The following RUSC2 variants were observed in gnomAD, a reference collection of about 807,000 sequenced individuals.
The protein encoded by RUSC2 is RUN and SH3 domain containing 2.
A neutral mutation model predicts 122.2 loss-of-function variants in RUSC2; 34 were observed. That is an observed-to-expected ratio of 0.28 (90% confidence interval 0.21 to 0.37). RUSC2 has a LOEUF of 0.37. Among genes scored for constraint, RUSC2 ranks in the 10% least tolerant of loss-of-function variants. The pLI, the probability that RUSC2 is intolerant of heterozygous loss-of-function variation, is 1.00. For missense variants in RUSC2, 1,747 were observed against 1,952.4 expected, an observed-to-expected ratio of 0.89 and a Z score of 1.98; for synonymous variants, 784 against 790.0, an observed-to-expected ratio of 0.99 and a Z score of 0.13.
At chr9:35,501,778 T>C (rs1473465491) in intron 1 of RUSC2, among the ~76,000 whole-genome samples, 1 of 152,208 alleles carries the variant, frequency 6.6e-6, no homozygotes, top group African/African-American at 2.4e-5. Context: ...TGTGAAATCC[T>C]TAGCCTTAAT....
At chr9:35,497,669 T>C (rs1006219339) in intron 1 of RUSC2, among the ~76,000 whole-genome samples, 1 of 151,978 alleles carries the variant, frequency 6.6e-6, no homozygotes, top group African/African-American at 2.4e-5. Context: ...ATTAAAGACA[T>C]TGATATTATT....
At chr9:35,539,079 CA>C (rs1239741441) in intron 1 of RUSC2, 2 of 152,202 alleles carry the variant, frequency 1.3e-5, no homozygotes, top group Non-Finnish European at 2.9e-5. Context: ...ACAGACGCAT[CA>C]GGGGTCCAGC....
At position 35,547,982 on chromosome 9, in the gene RUSC2, C is replaced by A. The variant is rs771960547; in HGVS notation, c.1461C>A (p.Pro487=). The A allele has an allele frequency of 6.2e-7, 1 of 1,614,144 alleles. No homozygotes were observed. The highest frequency in any genetic ancestry group is 1.1e-5 in the South Asian group (1 of 91,090). The change falls in exon 2 of 12, where the codon CCC becomes CCA. Residue 487 remains proline (P), a synonymous_variant. Transcript: ENST00000361226. The surrounding 1 kb of genome is among the most constrained non-coding windows in gnomAD (Gnocchi z 4.6). ...EGQVYTNTSP[P]NLSTGRQRSR... ...AAGTATACACGAATACTTCACCCCC[C>A]AACCTCAGCACTGGACGTCAGCGCT...
chr9:35,552,140 C>T (rs750571851), intron 2 of RUSC2, among the ~76,000 whole-genome samples: 108 of 152,106 alleles, frequency 7.1e-4, no homozygotes, highest in Non-Finnish European at 1.5e-3. Flanking sequence ...GTGGGGAAAT[C>T]ATTTGAGGCC....
intron 1 of RUSC2, among the ~76,000 whole-genome samples, chr9:35,519,437 C>A (rs915598549): frequency 6.6e-6 from 1 of 152,196 alleles, no homozygotes; most frequent in African/African-American, 2.4e-5. Context: ...AGGAGAAGCA[C>A]CATCAGTCTA....
rs1822075203 is a variant in RUSC2, at chr9:35,558,617, A to AC, written c.3341+55dup. The AC allele has an allele frequency of 1.0e-5, 15 of 1,444,760 alleles. No individual in the cohort carries two copies. The highest frequency in any genetic ancestry group is 1.4e-5 in the Non-Finnish European group (14 of 1,027,790). 89.5% of individuals were successfully genotyped at this position (1,444,760 alleles called of 1,614,324 possible). A position where few individuals can be genotyped will look rare whatever the true frequency, so the allele number is the denominator to read the frequency against. ...CCCTAAACAACTTGCCCTGCCCCCC[A>AC]CCCCCGGGCTCTGCCTGCACCAAGG... On this transcript the variant is annotated intron_variant, in intron 8 of 11. Coordinates refer to ENST00000361226, the MANE Select transcript of RUSC2 (RefSeq NM_014806.5). The surrounding 1 kb of genome is among the most constrained non-coding windows in gnomAD (Gnocchi z 4.3).
chr9:35,520,216 G>C (rs1017346857), intron 1 of RUSC2, among the ~76,000 whole-genome samples: 4 of 152,174 alleles, frequency 2.6e-5, no homozygotes, highest in East Asian at 1.9e-4. Context: ...TGGAAGATGA[G>C]ATGCCTCCCA....
At chr9:35,491,127 G>A (rs1159489347) in intron 1 of RUSC2, among the ~76,000 whole-genome samples, 1 of 151,562 alleles carries the variant, frequency 6.6e-6, no homozygotes, top group Non-Finnish European at 1.5e-5. Context: ...AATTTACAAA[G>A]GACAAAGGGC....
At chr9:35,514,280 C>G (rs766293527) in intron 1 of RUSC2, among the ~76,000 whole-genome samples, 14 of 152,018 alleles carry the variant, frequency 9.2e-5, no homozygotes, top group South Asian at 2.1e-4. Context: ...AATATTTTAG[C>G]TAAAAACCTA....
chr9:35,533,684 C>T (rs1237965217), intron 1 of RUSC2, among the ~76,000 whole-genome samples: 5 of 152,202 alleles, frequency 3.3e-5, no homozygotes, highest in Admixed American at 6.5e-5. Context: ...TATAGATTTG[C>T]CTTGTCTGGA....
intron 1 of RUSC2, among the ~76,000 whole-genome samples, chr9:35,526,318 T>TC (rs1283197815): frequency 6.6e-6 from 1 of 152,184 alleles, no homozygotes; most frequent in Non-Finnish European, 1.5e-5. Context: ...TATCCAGTCT[T>TC]TTCATGTTTC....
intron 2 of RUSC2, among the ~76,000 whole-genome samples, chr9:35,551,450 G>A (rs1452014909): frequency 6.6e-6 from 1 of 152,192 alleles, no homozygotes; most frequent in Non-Finnish European, 1.5e-5. Flanking sequence ...GATCTCTAGG[G>A]AAGGGGCAGG....
chr9:35,524,832 G>A (rs577989930), intron 1 of RUSC2, among the ~76,000 whole-genome samples: 47 of 152,204 alleles, frequency 3.1e-4, no homozygotes, highest in African/African-American at 9.1e-4. Flanking sequence ...TTAGCCGGGC[G>A]TGGTGGCGGG....
At chr9:35,496,317 G>A (rs143510915) in intron 1 of RUSC2, among the ~76,000 whole-genome samples, 245 of 152,266 alleles carry the variant, frequency 1.6e-3, no homozygotes, top group African/African-American at 5.5e-3. Context: ...AAGTCAGGCA[G>A]TATCACCAGT....
chr9:35,499,878 G>A (rs144666956), intron 1 of RUSC2, among the ~76,000 whole-genome samples: 1 of 152,300 alleles, frequency 6.6e-6, no homozygotes, highest in East Asian at 1.9e-4. Context: ...CTGCAGGGGA[G>A]AAAGTTGGGA....
rs1456330264 is a variant in RUSC2, at chr9:35,490,170, G to C, written c.-95G>C. On this transcript the variant is annotated splice_region_variant and 5_prime_UTR_variant, in exon 1 of 12. Transcript: ENST00000361226. ...GAAGGACGAGGCTGAGGCGAGAAACGAGGTAGGAACGCCTCTCCGGAGGCG... is the reference window on the plus strand; with the variant it reads ...GAAGGACGAGGCTGAGGCGAGAAACCAGGTAGGAACGCCTCTCCGGAGGCG... 2 of 154,988 alleles carry C rather than the reference G, an allele frequency of 1.3e-5. No homozygotes were observed. The highest frequency in any genetic ancestry group is 6.5e-5 in the Admixed American group (1 of 15,294). 9.6% of individuals were successfully genotyped at this position (154,988 alleles called of 1,614,324 possible).
chr9:35,503,076 G>A (rs1820846509), intron 1 of RUSC2, among the ~76,000 whole-genome samples: 1 of 152,106 alleles, frequency 6.6e-6, no homozygotes, highest in Non-Finnish European at 1.5e-5. Context: ...TGGCCAGGCT[G>A]GTCTCGAACT....
intron 1 of RUSC2, among the ~76,000 whole-genome samples, chr9:35,529,324 G>A (rs1331929767): frequency 6.6e-6 from 1 of 151,754 alleles, no homozygotes; most frequent in Non-Finnish European, 1.5e-5. Context: ...GCAAACTGAA[G>A]GTCACGTGCT....
At chr9:35,541,939 A>T (rs1208673882) in intron 1 of RUSC2, among the ~76,000 whole-genome samples, 1 of 143,682 alleles carries the variant, frequency 7.0e-6, no homozygotes, top group African/African-American at 2.4e-5. Context: ...AACATTTTTT[A>T]AAATTTTATA....
Sources: gnomAD v4.1 joint callset for allele counts (sites outside exome capture counted in the v4.1 genomes callset) on GRCh38, gnomAD v4.1.1 for gene constraint, Gnocchi (gnomAD v3.1) non-coding constraint, MANE v1.5 for transcripts, NCBI Gene and HGNC (gene_info 2026-07-23, HGNC 2026-07-21) for gene names.